The following EYS variants were observed in gnomAD, a reference collection of about 807,000 sequenced individuals.
EYS encodes protein eyes shut homolog.
Under a neutral mutation model 282.1 loss-of-function variants are expected in EYS, and 250 were observed. The observed-to-expected ratio is 0.89, with a 90% CI of 0.80 to 0.98. EYS has a LOEUF of 0.98. Among genes scored for constraint, EYS ranks in the 50% least tolerant of loss-of-function variants. The probability of loss-of-function intolerance (pLI) is 0.00; values close to 1 mark genes in which losing one functional copy is unlikely to be tolerated. For synonymous variants in EYS, 1,355 were observed against 1,282.9 expected (o/e 1.06, Z -1.20); for missense variants, 4,016 against 3,709.0 (o/e 1.08, Z -2.15).
At chr6:65,027,385 C>A (rs1223929067) in intron 13 of EYS, among the ~76,000 whole-genome samples, 2 of 152,160 alleles carry the variant, frequency 1.3e-5, no homozygotes, top group African/African-American at 4.8e-5. Flanking sequence ...AGATTTGTGA[C>A]AGTCTGCTTT....
chr6:65,092,578 T>C (rs977345053), intron 12 of EYS, among the ~76,000 whole-genome samples: 2 of 152,208 alleles, frequency 1.3e-5, no homozygotes, highest in African/African-American at 4.8e-5. Flanking sequence ...GATAACTGTT[T>C]AGCTCTTTAA....
chr6:63,896,516 T>C (rs970743024), intron 35 of EYS, among the ~76,000 whole-genome samples: 3 of 152,174 alleles, frequency 2.0e-5, no homozygotes, highest in African/African-American at 7.2e-5. Flanking sequence ...ACATCCCACC[T>C]CAGAGCGGTA....
Position 65,002,071 on chromosome 6 carries a change from T to C in EYS, c.2138-4368A>G, listed in dbSNP as rs558079584. ...TTAAAAGTCAAATATAATACATTGT[T>C]AATCAATGTGAACAATTTAAATTTA... On this transcript the variant is annotated intron_variant, in intron 13 of 42. Transcript: ENST00000503581. 5.3e-4 allele frequency among the ~76,000 whole-genome samples: 75 copies of C among 141,180 alleles called. 10 individuals carry two copies. Among genetic ancestry groups the C allele is most frequent in the South Asian group, 1.6e-3 (7 of 4,328 alleles). The allele number at this position is 141,180 out of a possible 152,430, so 92.6% of individuals were successfully genotyped here. A position where few individuals can be genotyped will look rare whatever the true frequency, so the allele number is the denominator to read the frequency against.
intron 2 of EYS, among the ~76,000 whole-genome samples, chr6:65,500,159 A>T (rs2127276344): frequency 6.6e-6 from 1 of 152,072 alleles, no homozygotes; most frequent in South Asian, 2.1e-4. Context: ...TCATACACAA[A>T]TGCACACACC....
chr6:64,468,727 C>T (rs554544793), intron 26 of EYS, among the ~76,000 whole-genome samples: 205 of 152,314 alleles, frequency 1.3e-3, no homozygotes, highest in Middle Eastern at 6.8e-3. Context: ...CAATGTTTAG[C>T]TCCCACTTAC....
At chr6:63,788,761 C>G (rs1770432750) in intron 38 of EYS, among the ~76,000 whole-genome samples, 1 of 152,184 alleles carries the variant, frequency 6.6e-6, no homozygotes, top group Non-Finnish European at 1.5e-5. Flanking sequence ...ATTCCTTAAG[C>G]TAATACTGGC....
intron 35 of EYS, among the ~76,000 whole-genome samples, chr6:63,880,650 T>A (rs1484964850): frequency 2.0e-5 from 3 of 152,216 alleles, no homozygotes; most frequent in African/African-American, 4.8e-5. Flanking sequence ...AAGGAACTAC[T>A]GATAATAAAT....
chr6:65,559,866 C>A (rs536771354), intron 2 of EYS, among the ~76,000 whole-genome samples: 17 of 151,802 alleles, frequency 1.1e-4, no homozygotes, highest in African/African-American at 3.9e-4. Context: ...ACCTTTCAAG[C>A]AGCATTAATT....
rs1765011297 is a variant in EYS at position 64,188,476 on chromosome 6, T to A, written c.6424+42116A>T. ...TCAATCGCTTTTTAGTAAAAATATATCCCAAATATTGCATGGGATATATTA... is the reference window on the plus strand; with the variant it reads ...TCAATCGCTTTTTAGTAAAAATATAACCCAAATATTGCATGGGATATATTA... On this transcript the variant is annotated intron_variant, in intron 31 of 42. Coordinates refer to ENST00000503581, the MANE Select transcript of EYS (RefSeq NM_001142800.2). Among the ~76,000 whole-genome samples the A allele has an allele frequency of 3.3e-5, 5 of 152,154 alleles. No homozygotes were observed. In the South Asian group the frequency reaches 1.0e-3, roughly 31 times the overall value.
chr6:64,937,105 A>T (rs1222981197), intron 15 of EYS, among the ~76,000 whole-genome samples: 1 of 151,518 alleles, frequency 6.6e-6, no homozygotes, highest in Non-Finnish European at 1.5e-5. Context: ...TAGAAGAATG[A>T]GGCTAGACCT....
intron 11 of EYS, among the ~76,000 whole-genome samples, chr6:65,319,115 T>C (rs1769396944): frequency 6.8e-6 from 1 of 147,262 alleles, no homozygotes; most frequent in Admixed American, 6.9e-5. Context: ...TCCCAGCACT[T>C]TGAGAGGCCA....
intron 2 of EYS, among the ~76,000 whole-genome samples, chr6:65,503,578 A>G (rs932847225): frequency 6.6e-6 from 1 of 151,646 alleles, no homozygotes; most frequent in African/African-American, 2.4e-5. Context: ...TTTTGTAGTT[A>G]AGTGTTTTAC....
intron 11 of EYS, among the ~76,000 whole-genome samples, chr6:65,300,113 G>C (rs908336335): frequency 6.6e-6 from 1 of 152,080 alleles, no homozygotes; most frequent in African/African-American, 2.4e-5. Context: ...TAAGCATCCA[G>C]TCATCATTAC....
intron 29 of EYS, among the ~76,000 whole-genome samples, chr6:64,336,784 T>G (rs1038709904): frequency 1.3e-5 from 2 of 151,982 alleles, no homozygotes; most frequent in Admixed American, 6.6e-5. Context: ...CTCTCTCAGA[T>G]CACAGTGGAA....
chr6:65,206,574 C>T (rs1057217471), intron 12 of EYS, among the ~76,000 whole-genome samples: 3 of 151,568 alleles, frequency 2.0e-5, no homozygotes, highest in African/African-American at 7.3e-5. Context: ...GCAATGACAA[C>T]ACCAAAAATA....
At chr6:65,657,262 G>A (rs1157241214) in intron 1 of EYS, among the ~76,000 whole-genome samples, 1 of 151,838 alleles carries the variant, frequency 6.6e-6, no homozygotes, top group Non-Finnish European at 1.5e-5. Context: ...ATGGATTGAG[G>A]AGTGATTTTT....
intron 31 of EYS, among the ~76,000 whole-genome samples, chr6:64,100,687 C>A (rs922626052): frequency 1.3e-5 from 2 of 151,196 alleles, no homozygotes; most frequent in Non-Finnish European, 2.9e-5. Flanking sequence ...CATACTGGCA[C>A]TTCTTATATT....
At chr6:64,817,174 A>T (rs1235346106) in intron 21 of EYS, among the ~76,000 whole-genome samples, 1 of 152,082 alleles carries the variant, frequency 6.6e-6, no homozygotes, top group Non-Finnish European at 1.5e-5. Flanking sequence ...ACTCCAACTC[A>T]AACCCTCTCC....
At chr6:64,667,512 AC>A (rs1199108601) in intron 22 of EYS, among the ~76,000 whole-genome samples, 2 of 150,150 alleles carry the variant, frequency 1.3e-5, no homozygotes, top group African/African-American at 4.9e-5. Context: ...GGAACTTATG[AC>A]TTTTTTTTTT....
Sources: allele counts gnomAD v4.1 joint callset (sites outside exome capture counted in the v4.1 genomes callset), GRCh38; gene constraint gnomAD v4.1.1; transcripts MANE v1.5; gene names NCBI Gene and HGNC (gene_info 2026-07-23, HGNC 2026-07-21).